Variants in PFN2 observed in about 807,000 individuals in gnomAD.
PFN2 encodes profilin-2.
A neutral mutation model predicts 15.3 loss-of-function variants in PFN2; 8 were observed. The observed-to-expected ratio is 0.52, with a 90% CI of 0.31 to 0.95. PFN2 has a LOEUF of 0.95. Among genes scored for constraint, PFN2 ranks in the 40% least tolerant of loss-of-function variants. The probability of loss-of-function intolerance (pLI) is 0.05; values close to 1 mark genes in which losing one functional copy is unlikely to be tolerated. For missense variants in PFN2, 111 were observed against 182.3 expected, an observed-to-expected ratio of 0.61 and a Z score of 2.25; for synonymous variants, 79 against 67.9, an observed-to-expected ratio of 1.16 and a Z score of -0.81.
chr3:149,965,590 A>G lies in PFN2; in HGVS notation c.*899T>C. 1 of 1,210,786 alleles carries G rather than the reference A, an allele frequency of 8.3e-7. No individual in the cohort carries two copies. Among genetic ancestry groups the G allele is most frequent in the Non-Finnish European group, 1.0e-6 (1 of 973,214 alleles). The allele number at this position is 1,210,786 out of a possible 1,614,324, so 75.0% of individuals were successfully genotyped here. A position where few individuals can be genotyped will look rare whatever the true frequency, so the allele number is the denominator to read the frequency against. On this transcript the variant is annotated 3_prime_UTR_variant, in exon 3 of 3. Coordinates refer to ENST00000239940, the MANE Select transcript of PFN2 (RefSeq NM_053024.4). ...TCTGCTCAAGTGCAACAACAATACT[A>G]AAAGCAAACTACTGCAGCTCTCAAT...
At chr3:149,967,374 G>A (rs894267436) in intron 2 of PFN2, among the ~76,000 whole-genome samples, 1 of 152,194 alleles carries the variant, frequency 6.6e-6, no homozygotes, top group Non-Finnish European at 1.5e-5. Flanking sequence ...AAGGTTTAAA[G>A]AGATTTGTCA....
chr3:149,965,179 C>A lies in PFN2; in HGVS notation c.*1310G>T. On this transcript the variant is annotated 3_prime_UTR_variant, in exon 3 of 3. Transcript: ENST00000239940. ...TCAGTTAAAATCCATCTCACAATAG[C>A]AACAGTTCATTTTAACAATAGTATG... is the stretch of plus-strand genomic sequence containing the variant. The A allele has an allele frequency of 6.8e-7, 1 of 1,474,802 alleles. No individual in the cohort carries two copies. Among genetic ancestry groups the A allele is most frequent in the Non-Finnish European group, 9.0e-7 (1 of 1,105,098 alleles). 91.4% of individuals were successfully genotyped at this position (1,474,802 alleles called of 1,614,324 possible).
Position 149,966,521 on chromosome 3 carries a change from TTGAG to T in PFN2, c.387_390del (p.Tyr129Ter). 1 of 1,613,252 alleles carries T rather than the reference TTGAG, an allele frequency of 6.2e-7. No homozygotes were observed. Among genetic ancestry groups the T allele is most frequent in the Non-Finnish European group, 8.5e-7 (1 of 1,179,278 alleles). On this transcript the variant is annotated frameshift_variant, in exon 3 of 3. Coordinates refer to ENST00000239940, the MANE Select transcript of PFN2 (RefSeq NM_053024.4). LOFTEE classifies it high-confidence loss of function. ...CCAGAGTCTCTCAAGTATTTTGCCA[TTGAG>T]TATGCCTTCTTATTCAATCCGCCTC...
At chr3:149,969,180 TCCC>T (rs1487705521) in intron 1 of PFN2, among the ~76,000 whole-genome samples, 1 of 152,116 alleles carries the variant, frequency 6.6e-6, no homozygotes, top group Admixed American at 6.6e-5. Context: ...TCCCTTCCCC[TCCC>T]ATCTCAGTAA....
chr3:149,970,628 C>T (rs1056754676), intron 1 of PFN2, 97 bp downstream of exon 1: 3 of 1,234,212 alleles, frequency 2.4e-6, no homozygotes, highest in East Asian at 3.3e-5. Context: ...CCTGCGGGCT[C>T]GGCCCTCAGT....
intron 1 of PFN2, 161 bp downstream of exon 1, chr3:149,970,564 T>C (rs1576620982): frequency 3.2e-6 from 2 of 632,416 alleles, no homozygotes; most frequent in East Asian, 8.0e-5. Context: ...TCCCCGGGCC[T>C]CGGCCTCCCC....
At position 149,965,604 on chromosome 3, in the gene PFN2, G is replaced by A; in HGVS notation, c.*885C>T. Reference sequence around the variant, plus strand: ...ACAACAATACTAAAAGCAAACTACTGCAGCTCTCAATAGCTCATCAACAAA... The same window carrying A: ...ACAACAATACTAAAAGCAAACTACTACAGCTCTCAATAGCTCATCAACAAA... On this transcript the variant is annotated 3_prime_UTR_variant, in exon 3 of 3. Transcript: ENST00000239940. The A allele has an allele frequency of 8.8e-7, 1 of 1,138,046 alleles. No individual in the cohort carries two copies. Among genetic ancestry groups the A allele is most frequent in the Non-Finnish European group, 1.1e-6 (1 of 927,700 alleles). The allele number at this position is 1,138,046 out of a possible 1,614,324, so 70.5% of individuals were successfully genotyped here.
chr3:149,967,869 C>T (rs529131251), intron 2 of PFN2, among the ~76,000 whole-genome samples: 51 of 152,146 alleles, frequency 3.4e-4, no homozygotes, highest in Non-Finnish European at 6.6e-4. Context: ...CCAAAATCCT[C>T]ATCTAATTAT....
intron 2 of PFN2, among the ~76,000 whole-genome samples, chr3:149,966,820 A>G (rs1439528880): frequency 1.3e-5 from 2 of 152,132 alleles, no homozygotes; most frequent in African/African-American, 2.4e-5. Context: ...CAAAAGTTCT[A>G]TACAACTATC....
At position 149,968,557 on chromosome 3, in the gene PFN2, C is replaced by CCA. The variant is rs755979007; in HGVS notation, c.133-8_133-7insTG. The CCA allele has an allele frequency of 1.3e-6, 2 of 1,499,284 alleles. No individual in the cohort carries two copies. The allele number at this position is 1,499,284 out of a possible 1,614,324, so 92.9% of individuals were successfully genotyped here. ...TCATATCTATTTCTATTGGCTGCCC[C>CCA]CCACCAAAAAGAAAAAAAAAAAACA... On this transcript the variant is annotated splice_polypyrimidine_tract_variant and splice_region_variant and intron_variant, in intron 1 of 2. Coordinates refer to ENST00000239940, the MANE Select transcript of PFN2 (RefSeq NM_053024.4).
Position 149,970,894 on chromosome 3 carries a change from G to A in PFN2, c.-38C>T, listed in dbSNP as rs1722847034. 1.6e-6 allele frequency: 2 copies of A among 1,255,038 alleles called. No homozygotes were observed. The highest frequency in any genetic ancestry group is 2.0e-6 in the Non-Finnish European group (2 of 986,460). The allele number at this position is 1,255,038 out of a possible 1,614,324, so 77.7% of individuals were successfully genotyped here. Reference sequence around the variant, plus strand: ...CGCACTGCAGCGCGGACGGCGAGGAGCAGCAGGCGCAGCGGCGGCGGCGGC... The same window carrying A: ...CGCACTGCAGCGCGGACGGCGAGGAACAGCAGGCGCAGCGGCGGCGGCGGC... On this transcript the variant is annotated 5_prime_UTR_variant, in exon 1 of 3. Transcript: ENST00000239940.
chr3:149,969,715 A>T (rs904633079), intron 1 of PFN2, among the ~76,000 whole-genome samples: 4 of 152,218 alleles, frequency 2.6e-5, no homozygotes, highest in African/African-American at 9.7e-5. Context: ...AATTATCATA[A>T]TTTTAGAAAC....
chr3:149,964,952 T>C lies in PFN2; in HGVS notation c.*1537A>G, dbSNP rs1196735084. On this transcript the variant is annotated 3_prime_UTR_variant, in exon 3 of 3. Coordinates refer to ENST00000239940, the MANE Select transcript of PFN2 (RefSeq NM_053024.4). Reference sequence around the variant, plus strand: ...ATCTGTCTGTAAACAAGGTGTTTAATAGTTATGGCATTTTTTTAAATGCAT... The same window carrying C: ...ATCTGTCTGTAAACAAGGTGTTTAACAGTTATGGCATTTTTTTAAATGCAT... 5 of 388,132 alleles carry C rather than the reference T, an allele frequency of 1.3e-5. No individual in the cohort carries two copies. Among genetic ancestry groups the C allele is most frequent in the African/African-American group, 2.1e-5 (1 of 48,450 alleles). 24.0% of individuals were successfully genotyped at this position (388,132 alleles called of 1,614,324 possible). A position where few individuals can be genotyped will look rare whatever the true frequency, so the allele number is the denominator to read the frequency against.
In PFN2 at chr3:149,968,544, C is replaced by T; in HGVS notation, c.139G>A (p.Glu47Lys). 6.3e-7 allele frequency: 1 copy of T among 1,591,784 alleles called. No homozygotes were observed. The highest frequency in any genetic ancestry group is 1.1e-5 in the South Asian group (1 of 89,130). Residue 47 changes from glutamate to lysine, a missense_variant, in exon 2 of 3, where the codon GAA becomes AAA. This residue lies in a region of PFN2 where 64 missense variants were observed against 69.7 expected (regional missense o/e 0.92). Coordinates refer to ENST00000239940, the MANE Select transcript of PFN2 (RefSeq NM_053024.4). ...TCTTTTCCTACAATCATATCTATTT[C>T]TATTGGCTGCCCCCCACCAAAAAGA... Reference protein sequence around the residue: ...GGVFQSITPIEIDMIVGKDRE... With the variant: ...GGVFQSITPIKIDMIVGKDRE...
chr3:149,965,107 C>A lies in PFN2; in HGVS notation c.*1382G>T. On this transcript the variant is annotated 3_prime_UTR_variant, in exon 3 of 3. Transcript: ENST00000239940. ...AAGGCCCAAACAATAGAAGCAAATA[C>A]TAGAATGTCCCTAAAGTAGTGCCAT... The A allele has an allele frequency of 1.3e-6, 1 of 752,812 alleles. No individual in the cohort carries two copies. The highest frequency in any genetic ancestry group is 2.0e-6 in the Non-Finnish European group (1 of 488,520). 46.6% of individuals were successfully genotyped at this position (752,812 alleles called of 1,614,324 possible).
Position 149,966,144 on chromosome 3 carries a change from C to A in PFN2, c.*345G>T. The A allele has an allele frequency of 6.2e-7, 1 of 1,608,142 alleles. No individual in the cohort carries two copies. The highest frequency in any genetic ancestry group is 1.1e-5 in the South Asian group (1 of 89,916). On this transcript the variant is annotated 3_prime_UTR_variant, in exon 3 of 3. Coordinates refer to ENST00000239940, the MANE Select transcript of PFN2 (RefSeq NM_053024.4). ...TTAGGGTTGTTGATGAAGACAGTTG[C>A]TAGGTAGATGGGGAGAGGCTGCTTA...
chr3:149,968,515 C>T lies in PFN2; in HGVS notation c.168G>A (p.Arg56=). ...TCAAACCGTTGGTAAAGAAACCTTC[C>T]CGGTCTTTTCCTACAATCATATCTA... is the stretch of plus-strand genomic sequence containing the variant. ...IEIDMIVGKD[R]EGFFTNGLTL... The change falls in exon 2 of 3, where the codon CGG becomes CGA. Residue 56 remains arginine (R), a synonymous_variant. Coordinates refer to ENST00000239940, the MANE Select transcript of PFN2 (RefSeq NM_053024.4). The T allele has an allele frequency of 6.2e-7, 1 of 1,613,722 alleles. No homozygotes were observed. The highest frequency in any genetic ancestry group is 1.1e-5 in the South Asian group (1 of 91,052).
intron 1 of PFN2, among the ~76,000 whole-genome samples, chr3:149,969,271 G>A (rs995286478): frequency 3.3e-5 from 5 of 152,166 alleles, no homozygotes; most frequent in Non-Finnish European, 7.3e-5. Flanking sequence ...CAGAAAAAAT[G>A]GAGGGAGATT....
At chr3:149,968,301 CT>C in intron 2 of PFN2, 56 bp downstream of exon 2, 1 of 1,481,648 alleles carries the variant, frequency 6.7e-7, no homozygotes, top group Non-Finnish European at 9.4e-7. Context: ...TTAAAAGAAA[CT>C]GCTTAATAAG....
Sources: allele counts gnomAD v4.1 joint callset (sites outside exome capture counted in the v4.1 genomes callset), GRCh38; gene constraint gnomAD v4.1.1; regional missense constraint gnomAD v4.1.1; transcripts MANE v1.5; gene names NCBI Gene and HGNC (gene_info 2026-07-23, HGNC 2026-07-21).